The following DST variants were observed in gnomAD, a reference collection of about 807,000 sequenced individuals.
DST encodes dystonin.
A neutral mutation model predicts 875.2 loss-of-function variants in DST; 253 were observed. The observed-to-expected ratio is 0.29, with a 90% CI of 0.26 to 0.32. The LOEUF is 0.32. DST is among the 10% of genes least tolerant of loss of function. DST has a pLI of 1.00. For synonymous variants in DST, 3,124 were observed against 3,197.1 expected (o/e 0.98, Z 0.77); for missense variants, 8,287 against 9,111.6 (o/e 0.91, Z 3.68).
chr6:56,712,530 G>A (rs2152896425), intron 5 of DST, among the ~76,000 whole-genome samples: 1 of 152,272 alleles, frequency 6.6e-6, no homozygotes, highest in South Asian at 2.1e-4. Flanking sequence ...TAATGACAAC[G>A]AAGTAGAATG....
chr6:56,807,686 C>T (rs1186405512), intron 4 of DST, among the ~76,000 whole-genome samples: 4 of 152,130 alleles, frequency 2.6e-5, no homozygotes, highest in South Asian at 2.1e-4. Flanking sequence ...GACATTCATA[C>T]GTAACTAGCA....
At chr6:56,647,788 C>A (rs555181008) in intron 13 of DST, among the ~76,000 whole-genome samples, 1 of 151,342 alleles carries the variant, frequency 6.6e-6, no homozygotes, top group Admixed American at 6.6e-5. Flanking sequence ...CAGGTTCAAG[C>A]GATTCTCCTG....
Position 56,476,054 on chromosome 6 carries a change from A to C in DST, c.21864+95T>G, listed in dbSNP as rs145917218. 795 of 1,127,906 alleles carry C rather than the reference A, an allele frequency of 7.0e-4. 2 individuals are homozygous for C. In the African/African-American group the frequency reaches 0.011, roughly 16 times the overall value. 69.9% of individuals were successfully genotyped at this position (1,127,906 alleles called of 1,614,324 possible). On this transcript the variant is annotated intron_variant, in intron 92 of 103. Coordinates refer to ENST00000680361, the MANE Select transcript of DST (RefSeq NM_001374736.1). The stretch of plus-strand genomic sequence containing the variant: ...TGAGGAGTCTGAAGAAGTGAAAATA[A>C]CGAGAACAAAGCAATGTTTTGAGAA...
intron 2 of DST, among the ~76,000 whole-genome samples, chr6:56,943,552 C>G (rs576399531): frequency 1.3e-5 from 2 of 151,838 alleles, no homozygotes; most frequent in South Asian, 4.2e-4. Flanking sequence ...CCCACCTCAG[C>G]CTCCCAAGTA....
At chr6:56,774,821 C>T (rs1315611961) in intron 4 of DST, among the ~76,000 whole-genome samples, 1 of 151,852 alleles carries the variant, frequency 6.6e-6, no homozygotes, top group Non-Finnish European at 1.5e-5. Context: ...GGAGAAACCC[C>T]ATCTCTACTA....
rs1301746187 is a variant in DST at position 56,606,147 on chromosome 6, C to A, written c.8481G>T (p.Arg2827Ser). ...GGIRDENGKP[R>S]CQNVAEDMDI... The stretch of plus-strand genomic sequence containing the variant: ...CCATATCTTCAGCCACATTTTGGCA[C>A]CTGGGCTTTCCATTCTCATCTCTTA... Residue 2827 changes from arginine to serine, a missense_variant, in exon 40 of 104, where the codon AGG (arginine) becomes AGT (serine). By Grantham distance (110) the Arg-to-Ser change is moderately radical. Transcript: ENST00000680361. 1 of 1,609,492 alleles carries A rather than the reference C, an allele frequency of 6.2e-7. No homozygotes were observed. Among genetic ancestry groups the A allele is most frequent in the Non-Finnish European group, 8.5e-7 (1 of 1,177,260 alleles).
At chr6:56,764,680 G>A (rs1180799379) in intron 4 of DST, among the ~76,000 whole-genome samples, 1 of 152,114 alleles carries the variant, frequency 6.6e-6, no homozygotes, top group African/African-American at 2.4e-5. Flanking sequence ...ATGTTAGGCT[G>A]GGCACGGTGG....
At chr6:56,788,222 A>G (rs1386694501) in intron 4 of DST, among the ~76,000 whole-genome samples, 2 of 136,894 alleles carry the variant, frequency 1.5e-5, no homozygotes, top group Admixed American at 1.5e-4. Flanking sequence ...TTTTTTTTTG[A>G]GACGGAGTCT....
At chr6:56,592,460 C>A (rs1236186599) in intron 48 of DST, 102 bp from the exon 49 acceptor site, 10 of 947,774 alleles carry the variant, frequency 1.1e-5, no homozygotes, top group East Asian at 5.4e-5. Flanking sequence ...GGAAAAAAAA[C>A]CAGACTTCCA....
intron 2 of DST, among the ~76,000 whole-genome samples, chr6:56,901,723 C>G (rs545759789): frequency 4.0e-5 from 6 of 151,748 alleles, no homozygotes; most frequent in Non-Finnish European, 8.8e-5. Context: ...ATAGGAAGTG[C>G]TTAATAAAAT....
intron 60 of DST, 22 bp downstream of exon 60, chr6:56,555,323 T>C (rs770913165): frequency 2.6e-6 from 4 of 1,537,920 alleles, no homozygotes; most frequent in South Asian, 1.3e-5. Flanking sequence ...CCAGGAAATA[T>C]ATGTATTAAA....
intron 95 of DST, among the ~76,000 whole-genome samples, chr6:56,470,781 A>AACACAC (rs67009040): frequency 0.056 from 7,982 of 141,470 alleles, 259 homozygotes; most frequent in Non-Finnish European, 0.069. Context: ...TATGCCAGGC[A>AACACAC]ACACACACAC....
intron 55 of DST, among the ~76,000 whole-genome samples, chr6:56,565,940 T>C (rs958110318): frequency 5.9e-5 from 9 of 152,242 alleles, no homozygotes; most frequent in Non-Finnish European, 1.2e-4. Context: ...GCAGCTTTAC[T>C]GAGCTGCGGT....
At chr6:56,618,913 A>T (rs1217294907) in intron 36 of DST, 1 of 1,613,850 alleles carries the variant, frequency 6.2e-7, no homozygotes, top group South Asian at 1.1e-5. Context: ...CTTGCACCTG[A>T]GCTTGTTGTA....
At chr6:56,762,371 G>A (rs943481493) in intron 4 of DST, among the ~76,000 whole-genome samples, 1 of 152,146 alleles carries the variant, frequency 6.6e-6, no homozygotes, top group Non-Finnish European at 1.5e-5. Context: ...AATCATCTCA[G>A]AATGGCCTAC....
At chr6:56,781,012 G>A (rs1461037968) in intron 4 of DST, among the ~76,000 whole-genome samples, 3 of 152,070 alleles carry the variant, frequency 2.0e-5, no homozygotes, top group African/African-American at 7.2e-5. Flanking sequence ...TTTTTCTCAG[G>A]TTTGTCAAAG....
At chr6:56,917,652 C>A (rs919644547) in intron 2 of DST, among the ~76,000 whole-genome samples, 1 of 152,110 alleles carries the variant, frequency 6.6e-6, no homozygotes, top group Non-Finnish European at 1.5e-5. Context: ...CATATTATTC[C>A]TGTTGACTTT....
At chr6:56,832,254 T>G (rs1031796506) in intron 4 of DST, among the ~76,000 whole-genome samples, 1 of 152,194 alleles carries the variant, frequency 6.6e-6, no homozygotes, top group African/African-American at 2.4e-5. Context: ...TTCCAGGTGT[T>G]GTGGGAGGGA....
rs755086559 is a variant in DST, at chr6:56,642,603, C to T, written c.1779-100G>A. 5.6e-6 allele frequency: 9 copies of T among 1,613,864 alleles called. No homozygotes were observed. The highest frequency in any genetic ancestry group is 1.3e-5 in the African/African-American group (1 of 74,928). On this transcript the variant is annotated intron_variant, in intron 15 of 103. Coordinates refer to ENST00000680361, the MANE Select transcript of DST (RefSeq NM_001374736.1). Reference sequence around the variant, plus strand: ...CCCATCAAAAAGTAAAACACAATCCCACACCAATGATTCAATACCTGTGTC... The same window carrying T: ...CCCATCAAAAAGTAAAACACAATCCTACACCAATGATTCAATACCTGTGTC...
Sources: allele counts gnomAD v4.1 joint callset (sites outside exome capture counted in the v4.1 genomes callset), GRCh38; gene constraint gnomAD v4.1.1; transcripts MANE v1.5; gene names NCBI Gene and HGNC (gene_info 2026-07-23, HGNC 2026-07-21).